The following CNTNAP5 variants were observed in gnomAD, a reference collection of about 807,000 sequenced individuals.
CNTNAP5 encodes contactin-associated protein-like 5.
CNTNAP5 carries 72 observed loss-of-function variants against 150.2 expected under a neutral mutation model. The observed-to-expected ratio is 0.48, with a 90% CI of 0.40 to 0.58. The LOEUF (loss-of-function observed/expected upper bound fraction) is 0.58. Ranked by LOEUF, CNTNAP5 falls within the 20% of genes least tolerant of loss-of-function variation. The probability of loss-of-function intolerance (pLI) is 0.00; values close to 1 mark genes in which losing one functional copy is unlikely to be tolerated. For missense variants in CNTNAP5, 1,636 were observed against 1,626.2 expected, an observed-to-expected ratio of 1.01 and a Z score of -0.10; for synonymous variants, 672 against 619.8, an observed-to-expected ratio of 1.08 and a Z score of -1.25.
At chr2:124,438,729 T>A (rs1442286480) in intron 5 of CNTNAP5, among the ~76,000 whole-genome samples, 1 of 152,234 alleles carries the variant, frequency 6.6e-6, no homozygotes, top group African/African-American at 2.4e-5. Flanking sequence ...CTCACACATA[T>A]TTATGGAATG....
At chr2:124,456,866 A>G (rs190956498) in intron 6 of CNTNAP5, among the ~76,000 whole-genome samples, 139 of 152,338 alleles carry the variant, frequency 9.1e-4, no homozygotes, top group African/African-American at 3.0e-3. Context: ...AGCTGCCTGT[A>G]GGAGAATGAA....
chr2:124,270,037 C>T (rs189194257), intron 3 of CNTNAP5, among the ~76,000 whole-genome samples: 329 of 152,140 alleles, frequency 2.2e-3, no homozygotes, highest in African/African-American at 7.0e-3. Flanking sequence ...TCATGGGGAC[C>T]GGGTGTGGTG....
intron 17 of CNTNAP5, among the ~76,000 whole-genome samples, chr2:124,787,384 C>A (rs781043616): frequency 2.0e-5 from 3 of 152,196 alleles, no homozygotes; most frequent in Non-Finnish European, 2.9e-5. Context: ...GATTTACTTA[C>A]CAAAATTGAG....
intron 1 of CNTNAP5, among the ~76,000 whole-genome samples, chr2:124,194,802 T>C (rs770557281): frequency 1.3e-4 from 20 of 151,624 alleles, no homozygotes; most frequent in Non-Finnish European, 2.5e-4. Flanking sequence ...AGAAATACAA[T>C]ACCAATAGCT....
intron 3 of CNTNAP5, among the ~76,000 whole-genome samples, chr2:124,415,383 C>T (rs2104774923): frequency 6.6e-6 from 1 of 152,216 alleles, no homozygotes; most frequent in African/African-American, 2.4e-5. Context: ...CATCAATCGC[C>T]TAATTTCAGA....
intron 1 of CNTNAP5, among the ~76,000 whole-genome samples, chr2:124,198,958 A>G (rs888502503): frequency 1.3e-5 from 2 of 151,634 alleles, no homozygotes; most frequent in Non-Finnish European, 2.9e-5. Context: ...AAATTGCCAT[A>G]TATCCTGGGG....
chr2:124,770,004 A>T (rs751233851), intron 16 of CNTNAP5, among the ~76,000 whole-genome samples: 44 of 152,182 alleles, frequency 2.9e-4, no homozygotes, highest in Non-Finnish European at 4.9e-4. Flanking sequence ...TACTGATTTT[A>T]TTGAATTTTA....
At chr2:124,198,138 T>A (rs992743162) in intron 1 of CNTNAP5, among the ~76,000 whole-genome samples, 15 of 152,116 alleles carry the variant, frequency 9.9e-5, no homozygotes, top group African/African-American at 3.6e-4. Flanking sequence ...AATTTTTATC[T>A]GTCTAAGTAC....
At chr2:124,273,261 G>C (rs1326751858) in intron 3 of CNTNAP5, among the ~76,000 whole-genome samples, 1 of 152,138 alleles carries the variant, frequency 6.6e-6, no homozygotes, top group Non-Finnish European at 1.5e-5. Flanking sequence ...AAGATATAGT[G>C]GGTGATATAG....
intron 12 of CNTNAP5, among the ~76,000 whole-genome samples, chr2:124,637,502 A>C (rs1191912561): frequency 6.6e-6 from 1 of 152,146 alleles, no homozygotes; most frequent in Non-Finnish European, 1.5e-5. Flanking sequence ...TCTCGCTATC[A>C]TTTGGCTAAC....
chr2:124,663,016 T>C (rs1678624433), intron 13 of CNTNAP5, among the ~76,000 whole-genome samples: 1 of 152,230 alleles, frequency 6.6e-6, no homozygotes, highest in Admixed American at 6.5e-5. Context: ...GTAAGTATTT[T>C]CAGTTCCTAG....
At chr2:124,873,632 G>A (rs1484539952) in intron 21 of CNTNAP5, among the ~76,000 whole-genome samples, 2 of 151,988 alleles carry the variant, frequency 1.3e-5, no homozygotes, top group African/African-American at 2.4e-5. Context: ...GGGACCTTTG[G>A]AACAAGGAAA....
chr2:124,120,633 A>T (rs760220111), intron 1 of CNTNAP5, among the ~76,000 whole-genome samples: 2 of 152,184 alleles, frequency 1.3e-5, no homozygotes, highest in Non-Finnish European at 1.5e-5. Flanking sequence ...CAAACCACGT[A>T]AGGACAGAAC....
chr2:124,310,718 G>C (rs117896787), intron 3 of CNTNAP5, among the ~76,000 whole-genome samples: 10,262 of 152,130 alleles, frequency 0.067, 421 homozygotes, highest in Non-Finnish European at 0.091. Context: ...AAGAAAAATA[G>C]GGAATAATTT....
At chr2:124,466,255 G>A (rs1008643044) in intron 6 of CNTNAP5, among the ~76,000 whole-genome samples, 2 of 151,962 alleles carry the variant, frequency 1.3e-5, no homozygotes, top group African/African-American at 4.8e-5. Context: ...AAATCCTTCA[G>A]AGAATACAAT....
chr2:124,102,461 C>T (rs1404480572), intron 1 of CNTNAP5, among the ~76,000 whole-genome samples: 3 of 152,224 alleles, frequency 2.0e-5, no homozygotes, highest in Non-Finnish European at 4.4e-5. Flanking sequence ...TCTGCCCATT[C>T]ATTGGCTTTG....
chr2:124,618,894 GA>G (rs1677545786), intron 12 of CNTNAP5, among the ~76,000 whole-genome samples: 1 of 152,102 alleles, frequency 6.6e-6, no homozygotes, highest in African/African-American at 2.4e-5. Context: ...ACCTGAACAA[GA>G]AAAGACCACT....
At chr2:124,631,504 A>G (rs1299649136) in intron 12 of CNTNAP5, among the ~76,000 whole-genome samples, 1 of 152,166 alleles carries the variant, frequency 6.6e-6, no homozygotes, top group Non-Finnish European at 1.5e-5. Flanking sequence ...AGGTGCTGGG[A>G]GAACTGGCTA....
At chr2:124,466,230 G>A (rs1257305588) in intron 6 of CNTNAP5, among the ~76,000 whole-genome samples, 1 of 152,032 alleles carries the variant, frequency 6.6e-6, no homozygotes, top group Non-Finnish European at 1.5e-5. Context: ...GCAGAATAGT[G>A]TAACTATTCT....
Sources: allele counts gnomAD v4.1 joint callset (sites outside exome capture counted in the v4.1 genomes callset), GRCh38; gene constraint gnomAD v4.1.1; transcripts MANE v1.5; gene names NCBI Gene and HGNC (gene_info 2026-07-23, HGNC 2026-07-21).